LGALS9C: variants seen among roughly 807,000 people sequenced by gnomAD.
LGALS9C encodes galectin-9C.
A neutral mutation model predicts 41.3 loss-of-function variants in LGALS9C; 7 were observed. The observed-to-expected ratio is 0.17, with a 90% CI of 0.10 to 0.32. The LOEUF (loss-of-function observed/expected upper bound fraction) is 0.32. Among genes scored for constraint, LGALS9C ranks in the 10% least tolerant of loss-of-function variants. LGALS9C has a pLI of 1.00. For missense variants in LGALS9C, 102 were observed against 455.2 expected (o/e 0.22, Z 7.06); for synonymous variants, 44 against 171.0 (o/e 0.26, Z 5.80).
rs562467680 is a variant in LGALS9C at position 18,476,995 on chromosome 17, G to T, written c.39+102G>T. On this transcript the variant is annotated intron_variant, in intron 1 of 10. Coordinates refer to ENST00000328114, the MANE Select transcript of LGALS9C (RefSeq NM_001040078.3). ...TGGGTGGCAGGAGATAGGGGTGGGG[G>T]CATCCCAAAGAGAACACAAGCAGGG... The T allele has an allele frequency of 9.7e-4, 1,144 of 1,184,352 alleles. 9 individuals are homozygous for T. Among genetic ancestry groups the T allele is most frequent in the Non-Finnish European group, 1.3e-3 (1,066 of 818,470 alleles). The allele number at this position is 1,184,352 out of a possible 1,614,324, so 73.4% of individuals were successfully genotyped here. A position where few individuals can be genotyped will look rare whatever the true frequency, so the allele number is the denominator to read the frequency against.
rs146121579 is a variant in LGALS9C, at chr17:18,477,884, G to T, written c.39+991G>T. On this transcript the variant is annotated intron_variant, in intron 1 of 10. Coordinates refer to ENST00000328114, the MANE Select transcript of LGALS9C (RefSeq NM_001040078.3). ...AGGCAGAATGGGGAGGGTGGGCAGA[G>T]GCAGGGTGCTGAGGGCAGGGAAGCT... Among the ~76,000 whole-genome samples the T allele has an allele frequency of 7.3e-3, 949 of 129,960 alleles. 12 individuals are homozygous for T. Among genetic ancestry groups the T allele is most frequent in the African/African-American group, 0.023 (889 of 39,400 alleles). 85.3% of individuals were successfully genotyped at this position (129,960 alleles called of 152,430 possible). A position where few individuals can be genotyped will look rare whatever the true frequency, so the allele number is the denominator to read the frequency against.
chr17:18,490,791 G>A (rs1383999662), intron 6 of LGALS9C, 23 bp downstream of exon 6: 1 of 554,392 alleles, frequency 1.8e-6, no homozygotes, highest in African/African-American at 2.1e-5. Context: ...CTTTCTTTTT[G>A]GATCCTCTTG....
In LGALS9C at chr17:18,494,300, G is replaced by A. The variant is rs1455017749; in HGVS notation, c.1004G>A (p.Arg335Lys). Residue 335 changes from arginine (R) to lysine (K), a missense_variant, in exon 11 of 11, where the codon AGG becomes AAG. Transcript: ENST00000328114. The part of the protein sequence containing the change: ...QHVFEYYHRL[R>K]NLPTINKLEV... ...GTGTTTGAATACTACCATCGCCTGA[G>A]GAACCTGCCCACCATCAACAAACTG... 2 of 1,478,380 alleles carry A rather than the reference G, an allele frequency of 1.4e-6. No homozygotes were observed. 91.6% of individuals were successfully genotyped at this position (1,478,380 alleles called of 1,614,324 possible). A position where few individuals can be genotyped will look rare whatever the true frequency, so the allele number is the denominator to read the frequency against.
Position 18,493,310 on chromosome 17 carries a change from A to G in LGALS9C, c.924+451A>G, listed in dbSNP as rs1197424440. On this transcript the variant is annotated intron_variant, in intron 10 of 10. Coordinates refer to ENST00000328114, the MANE Select transcript of LGALS9C (RefSeq NM_001040078.3). ...GGGGAAGGAACAAGGAAACTAAAGC[A>G]TGAACAGATTGTTGCAGATAACAAC... 2.5e-5 allele frequency among the ~76,000 whole-genome samples: 3 copies of G among 119,624 alleles called. 1 individual carries two copies. The highest frequency in any genetic ancestry group is 8.7e-5 in the African/African-American group (3 of 34,372). 78.5% of individuals were successfully genotyped at this position (119,624 alleles called of 152,430 possible).
chr17:18,482,213 G>A (rs1365254325), intron 1 of LGALS9C, among the ~76,000 whole-genome samples: 17 of 134,092 alleles, frequency 1.3e-4, no homozygotes, highest in African/African-American at 4.1e-4. Flanking sequence ...TGGTGCAATC[G>A]TGGCTCACTA....
At chr17:18,478,345 A>G (rs1266988161) in intron 1 of LGALS9C, among the ~76,000 whole-genome samples, 2 of 121,088 alleles carry the variant, frequency 1.7e-5, no homozygotes, top group African/African-American at 5.3e-5. Context: ...AGAGAGTTTG[A>G]GAGAGTTAAA....
chr17:18,492,282 A>T, intron 8 of LGALS9C, 175 bp from the exon 9 acceptor site: 1 of 814,284 alleles, frequency 1.2e-6, no homozygotes. Flanking sequence ...ATCTAAGCCC[A>T]TTAATTTGAG....
In LGALS9C at chr17:18,478,286, T is replaced by A. The variant is rs1468762422; in HGVS notation, c.39+1393T>A. On this transcript the variant is annotated intron_variant, in intron 1 of 10. Coordinates refer to ENST00000328114, the MANE Select transcript of LGALS9C (RefSeq NM_001040078.3). ...CATATTATTATTCTGGTAACTGGTT[T>A]TTACTTTCTAATCTTTGGATTCAGA... is the stretch of plus-strand genomic sequence containing the variant. 1.4e-3 allele frequency among the ~76,000 whole-genome samples: 175 copies of A among 127,416 alleles called. 11 individuals are homozygous for A. Among genetic ancestry groups the A allele is most frequent in the African/African-American group, 4.2e-3 (165 of 39,378 alleles). The allele number at this position is 127,416 out of a possible 152,430, so 83.6% of individuals were successfully genotyped here.
chr17:18,477,752 G>T (rs1313989984), intron 1 of LGALS9C, among the ~76,000 whole-genome samples: 6 of 121,658 alleles, frequency 4.9e-5, no homozygotes, highest in African/African-American at 1.6e-4. Flanking sequence ...GCCTTCAGGG[G>T]TGACTGTGTC....
intron 1 of LGALS9C, among the ~76,000 whole-genome samples, chr17:18,478,517 TG>T (rs1398836332): frequency 1.6e-5 from 2 of 126,110 alleles, no homozygotes. Flanking sequence ...ATGCCGACAG[TG>T]GGGGAAGGTC....
rs1243403124 is a variant in LGALS9C, at chr17:18,494,546, C to G, written c.*179C>G. 9.8e-6 allele frequency: 11 copies of G among 1,119,686 alleles called. No individual in the cohort carries two copies. The highest frequency in any genetic ancestry group is 8.8e-6 in the Non-Finnish European group (7 of 791,484). The allele number at this position is 1,119,686 out of a possible 1,614,324, so 69.4% of individuals were successfully genotyped here. On this transcript the variant is annotated 3_prime_UTR_variant, in exon 11 of 11. Coordinates refer to ENST00000328114, the MANE Select transcript of LGALS9C (RefSeq NM_001040078.3). ...AGCCACCCTGGAATCGAGAAGGCAGCTGACTGGGATTGCCTTCCTCAGCCG... is the reference window on the plus strand; with the variant it reads ...AGCCACCCTGGAATCGAGAAGGCAGGTGACTGGGATTGCCTTCCTCAGCCG...
intron 1 of LGALS9C, among the ~76,000 whole-genome samples, chr17:18,480,148 G>A (rs1254772633): frequency 8.2e-6 from 1 of 122,524 alleles, no homozygotes; most frequent in Admixed American, 7.9e-5. Flanking sequence ...AGTGGAGGCT[G>A]CAGTGAGTTG....
At chr17:18,488,369 GT>G (rs1405223784) in intron 4 of LGALS9C, among the ~76,000 whole-genome samples, 1 of 110,388 alleles carries the variant, frequency 9.1e-6, no homozygotes, top group African/African-American at 2.9e-5. Context: ...TGCAATCCTG[GT>G]TACTCAAGAG....
At chr17:18,483,155 C>G (rs1989455045) in intron 1 of LGALS9C, among the ~76,000 whole-genome samples, 1 of 122,814 alleles carries the variant, frequency 8.1e-6, no homozygotes, top group South Asian at 2.7e-4. Flanking sequence ...CACCATGGCC[C>G]ATAGCTCCTT....
At chr17:18,485,259 C>T (rs1989550415) in intron 2 of LGALS9C, among the ~76,000 whole-genome samples, 2 of 119,484 alleles carry the variant, frequency 1.7e-5, no homozygotes, top group East Asian at 3.9e-4. Flanking sequence ...TCATAGCTCA[C>T]TGCAGCCTCG....
rs1453064792 is a variant in LGALS9C at position 18,487,615 on chromosome 17, C to G, written c.334-32C>G. 7 of 1,381,614 alleles carry G rather than the reference C, an allele frequency of 5.1e-6. 1 individual carries two copies. The highest frequency in any genetic ancestry group is 1.5e-5 in the African/African-American group (1 of 66,972). The allele number at this position is 1,381,614 out of a possible 1,614,324, so 85.6% of individuals were successfully genotyped here. ...GTGGTCCCCATCCCGGCCTGGGGCACCTCCCCCGAAATACGTGCTCTCCTC... is the reference window on the plus strand; with the variant it reads ...GTGGTCCCCATCCCGGCCTGGGGCAGCTCCCCCGAAATACGTGCTCTCCTC... On this transcript the variant is annotated intron_variant, in intron 3 of 10. Coordinates refer to ENST00000328114, the MANE Select transcript of LGALS9C (RefSeq NM_001040078.3).
chr17:18,478,590 C>T (rs1355958441), intron 1 of LGALS9C, among the ~76,000 whole-genome samples: 1 of 125,418 alleles, frequency 8.0e-6, no homozygotes, highest in East Asian at 2.0e-4. Context: ...GGAAACCTCA[C>T]TCCCACTTCT....
chr17:18,494,513 C>T lies in LGALS9C; in HGVS notation c.*146C>T. Reference sequence around the variant, plus strand: ...GCCATGTCCTTATCTGGTCCTGCTTCTGGCTACAGCCACCCTGGAATCGAG... The same window carrying T: ...GCCATGTCCTTATCTGGTCCTGCTTTTGGCTACAGCCACCCTGGAATCGAG... On this transcript the variant is annotated 3_prime_UTR_variant, in exon 11 of 11. Coordinates refer to ENST00000328114, the MANE Select transcript of LGALS9C (RefSeq NM_001040078.3). The T allele has an allele frequency of 9.0e-7, 1 of 1,111,398 alleles. No individual in the cohort carries two copies. The highest frequency in any genetic ancestry group is 1.5e-5 in the African/African-American group (1 of 68,352). The allele number at this position is 1,111,398 out of a possible 1,614,324, so 68.8% of individuals were successfully genotyped here.
At chr17:18,482,507 C>CAAAAA (rs1166687895) in intron 1 of LGALS9C, among the ~76,000 whole-genome samples, 5 of 95,232 alleles carry the variant, frequency 5.3e-5, no homozygotes, top group Non-Finnish European at 7.7e-5. Context: ...GAAAGTTTTA[C>CAAAAA]AAAAAAAAAA....
Sources: gnomAD v4.1 joint callset for allele counts (sites outside exome capture counted in the v4.1 genomes callset) on GRCh38, gnomAD v4.1.1 for gene constraint, MANE v1.5 for transcripts, NCBI Gene and HGNC (gene_info 2026-07-23, HGNC 2026-07-21) for gene names.